The following TENM2 variants were observed in gnomAD, a reference collection of about 807,000 sequenced individuals.
TENM2 encodes the protein teneurin transmembrane protein 2.
A neutral mutation model predicts 245.2 loss-of-function variants in TENM2; 52 were observed. That is an observed-to-expected ratio of 0.21 (90% CI 0.17 to 0.27). The LOEUF (loss-of-function observed/expected upper bound fraction) is 0.27, where lower values mean the gene tolerates loss of function less well. Among genes scored for constraint, TENM2 ranks in the 10% least tolerant of loss-of-function variants. The pLI is 1.00. For missense variants in TENM2, 3,046 were observed against 3,666.8 expected (o/e 0.83, Z 4.37); for synonymous variants, 1,363 against 1,438.9 (o/e 0.95, Z 1.19).
At chr5:167,695,723 AT>A (rs200821194) in intron 2 of TENM2, among the ~76,000 whole-genome samples, 43 of 149,660 alleles carry the variant, frequency 2.9e-4, no homozygotes, top group East Asian at 1.6e-3. Flanking sequence ...TAGAATGGTG[AT>A]TTAAAAAAAA....
chr5:167,775,350 C>G, intron 2 of TENM2, among the ~76,000 whole-genome samples: 1 of 152,178 alleles, frequency 6.6e-6, no homozygotes, highest in East Asian at 1.9e-4. Context: ...GATGGAATTT[C>G]TCTCTTAAGA....
intron 7 of TENM2, among the ~76,000 whole-genome samples, chr5:168,070,331 A>G (rs1408699743): frequency 1.3e-5 from 2 of 152,180 alleles, no homozygotes; most frequent in African/African-American, 4.8e-5. Context: ...TTCCAAGATA[A>G]AGTTCTAATC....
At chr5:167,822,331 A>G (rs946962072) in intron 2 of TENM2, among the ~76,000 whole-genome samples, 4 of 152,092 alleles carry the variant, frequency 2.6e-5, no homozygotes, top group Admixed American at 2.0e-4. Flanking sequence ...GTCGCTTGTT[A>G]GTTTCTATTT....
Position 168,089,820 on chromosome 5 carries a change from C to T in TENM2, c.1516-754C>T, listed in dbSNP as rs12652250. Among the ~76,000 whole-genome samples the T allele has an allele frequency of 6.4e-4, 97 of 152,254 alleles. 1 individual carries two copies. The East Asian group carries it at 0.015, about 23-fold the overall frequency. ...AATAAAATGATAATAACGATCATGA[C>T]GGCTAACATGTATTTTGTGTTTGCT... On this transcript the variant is annotated intron_variant, in intron 7 of 28. Transcript: ENST00000518659.
chr5:167,282,435 A>C (rs1771115842), upstream of TENM2, among the ~76,000 whole-genome samples: 1 of 152,206 alleles, frequency 6.6e-6, no homozygotes, highest in Admixed American at 6.5e-5. Context: ...CTCCTTAGCT[A>C]AGAAAAAAAC....
chr5:167,641,518 A>G (rs1779613386), intron 2 of TENM2, among the ~76,000 whole-genome samples: 1 of 152,212 alleles, frequency 6.6e-6, no homozygotes, highest in South Asian at 2.1e-4. Flanking sequence ...GTTTTCTCCC[A>G]GAATTCTTGT....
At chr5:167,485,140 G>A (rs1767981488) in intron 2 of TENM2, among the ~76,000 whole-genome samples, 1 of 152,130 alleles carries the variant, frequency 6.6e-6, no homozygotes, top group African/African-American at 2.4e-5. Context: ...AGGATTATAA[G>A]GCTTTATAAA....
chr5:167,742,978 AAC>A (rs1206546894), intron 2 of TENM2, among the ~76,000 whole-genome samples: 1 of 2,216 alleles, frequency 4.5e-4, no homozygotes, highest in Non-Finnish European at 6.5e-4. Context: ...TTGTCTTAAA[AAC>A]AACAACAACA....
intron 2 of TENM2, among the ~76,000 whole-genome samples, chr5:167,665,768 T>C (rs1001082036): frequency 2.9e-4 from 44 of 152,204 alleles, no homozygotes; most frequent in African/African-American, 9.4e-4. Context: ...TGAATGTTTA[T>C]TTTTCCCCCT....
At chr5:167,868,850 A>G (rs1294091732) in intron 2 of TENM2, among the ~76,000 whole-genome samples, 2 of 152,192 alleles carry the variant, frequency 1.3e-5, no homozygotes, top group Non-Finnish European at 1.5e-5. Context: ...ATGTATACAC[A>G]GCAGGTGCTT....
chr5:167,021,952 A>G, the TENM2 span, among the ~76,000 whole-genome samples: 3 of 152,140 alleles, frequency 2.0e-5, 1 homozygote, highest in Non-Finnish European at 2.9e-5. Context: ...GCCTGACAAG[A>G]CCTAACCCAT....
the TENM2 span, among the ~76,000 whole-genome samples, chr5:167,266,755 T>C: frequency 6.6e-6 from 1 of 152,210 alleles, no homozygotes; most frequent in Admixed American, 6.5e-5. Context: ...GTTGCAGCAA[T>C]TGCAACATTT....
At chr5:167,628,117 A>C (rs1353388861) in intron 2 of TENM2, among the ~76,000 whole-genome samples, 1 of 152,162 alleles carries the variant, frequency 6.6e-6, no homozygotes, top group Non-Finnish European at 1.5e-5. Context: ...TGCTGTCACC[A>C]ACTTGAAACC....
chr5:168,016,477 A>T (rs1477209405), intron 5 of TENM2, among the ~76,000 whole-genome samples: 1 of 152,264 alleles, frequency 6.6e-6, no homozygotes, highest in Non-Finnish European at 1.5e-5. Flanking sequence ...ATAGATGCAG[A>T]AACTGAAGCA....
intron 2 of TENM2, among the ~76,000 whole-genome samples, chr5:167,380,735 T>G (rs1378272144): frequency 6.6e-6 from 1 of 152,236 alleles, no homozygotes; most frequent in East Asian, 1.9e-4. Flanking sequence ...AATCATTTGG[T>G]TTTAAGCTGC....
chr5:168,090,799 C>G, intron 8 of TENM2, 30 bp downstream of exon 10: 1 of 1,573,342 alleles, frequency 6.4e-7, no homozygotes, highest in African/African-American at 1.4e-5. Context: ...GATGGTACGC[C>G]ATGAAGGGAA....
Position 168,262,927 on chromosome 5 carries a change from C to A in TENM2, c.*117C>A, listed in dbSNP as rs946838594. On this transcript the variant is annotated 3_prime_UTR_variant, in exon 29 of 29. Coordinates refer to ENST00000518659, the Ensembl canonical transcript of TENM2. ...CTGCGGCTGGGCTGCTTTAGGAGAC[C>A]AAGTGGCAAGAAAGCTCACATTTTT... 2.4e-5 allele frequency: 23 copies of A among 943,658 alleles called. No individual in the cohort carries two copies. The African/African-American group carries it at 2.8e-4, about 12-fold the overall frequency. The allele number at this position is 943,658 out of a possible 1,614,324, so 58.5% of individuals were successfully genotyped here.
At chr5:168,118,588 G>A in intron 10 of TENM2, 102 bp downstream of exon 12, 1 of 918,596 alleles carries the variant, frequency 1.1e-6, no homozygotes, top group Non-Finnish European at 1.5e-6. Context: ...TTTTGCAAGA[G>A]AAGTTTCAAC....
intron 1 of TENM2, among the ~76,000 whole-genome samples, chr5:167,319,022 G>A (rs1205549791): frequency 6.6e-6 from 1 of 151,950 alleles, no homozygotes; most frequent in African/African-American, 2.4e-5. Context: ...TTCTTTTATG[G>A]GATATTTAGA....
Sources: allele counts gnomAD v4.1 joint callset (sites outside exome capture counted in the v4.1 genomes callset), GRCh38; gene constraint gnomAD v4.1.1; transcripts MANE v1.5; gene names NCBI Gene and HGNC (gene_info 2026-07-23, HGNC 2026-07-21).